The following TEX11 variants were observed in gnomAD, a reference collection of about 807,000 sequenced individuals.
The protein encoded by TEX11 is testis expressed 11.
A neutral mutation model predicts 84.4 loss-of-function variants in TEX11; 7 were observed. The ratio of observed to expected loss-of-function variants is 0.08; its 90% CI spans 0.05 to 0.16. TEX11 has a LOEUF of 0.16. Among genes scored for constraint, TEX11 ranks in the 10% least tolerant of loss-of-function variants. The pLI, the probability that TEX11 is intolerant of heterozygous loss-of-function variation, is 1.00. For missense variants in TEX11, 551 were observed against 660.5 expected (o/e 0.83, Z 1.82); for synonymous variants, 264 against 222.8 (o/e 1.18, Z -1.64).
rs149955108 is a variant in TEX11 at position 70,782,928 on chromosome X, G to A, written c.692+23777C>T. 5.8e-3 allele frequency among the ~76,000 whole-genome samples: 646 copies of A among 111,058 alleles called. 2 individuals are homozygous for A. Among genetic ancestry groups the A allele is most frequent in the African/African-American group, 0.017 (523 of 30,531 alleles). On this transcript the variant is annotated intron_variant, in intron 9 of 29. Coordinates refer to ENST00000374333, the MANE Select transcript of TEX11 (RefSeq NM_031276.3). ...CAATATTAGACAGATCAACAAGACA[G>A]ATGGTTAACAAGGATATCCAGGACT... is the stretch of plus-strand genomic sequence containing the variant.
At chrX:70,799,185 T>G (rs1354753477) in intron 9 of TEX11, among the ~76,000 whole-genome samples, 1 of 112,031 alleles carries the variant, frequency 8.9e-6, no homozygotes, top group Non-Finnish European at 1.9e-5. Context: ...ATACTAGCCA[T>G]TTAGTCCATC....
chrX:70,826,322 A>T (rs1307862137), intron 8 of TEX11, among the ~76,000 whole-genome samples: 2 of 110,959 alleles, frequency 1.8e-5, no homozygotes, highest in Non-Finnish European at 3.8e-5. Context: ...AAAAAAAAAA[A>T]AAAAGCTAAA....
intron 13 of TEX11, among the ~76,000 whole-genome samples, chrX:70,711,349 C>T (rs1323053792): frequency 9.0e-6 from 1 of 110,520 alleles, no homozygotes; most frequent in Admixed American, 9.6e-5. Context: ...TTCTAGATCC[C>T]TGAGGAATCG....
At chrX:70,863,222 C>A (rs1306531636) in intron 4 of TEX11, among the ~76,000 whole-genome samples, 1 of 111,950 alleles carries the variant, frequency 8.9e-6, no homozygotes, top group Non-Finnish European at 1.9e-5. Flanking sequence ...CAAGCTCTGA[C>A]AAGGGACAGA....
At chrX:70,616,033 G>A (rs919575739) in intron 20 of TEX11, among the ~76,000 whole-genome samples, 16 of 111,302 alleles carry the variant, frequency 1.4e-4, no homozygotes, top group African/African-American at 5.2e-4. Context: ...ATGTTAAAGG[G>A]AGTACTTTAA....
At chrX:70,525,985 C>G (rs1237605042), downstream of TEX11, among the ~76,000 whole-genome samples, 1 of 111,425 alleles carries the variant, frequency 9.0e-6, no homozygotes, top group Non-Finnish European at 1.9e-5. Flanking sequence ...GGCCTGGTGG[C>G]AGGTTCAGCT....
At chrX:70,656,110 T>C (rs1345381162) in intron 16 of TEX11, among the ~76,000 whole-genome samples, 1 of 68,831 alleles carries the variant, frequency 1.5e-5, no homozygotes, top group Non-Finnish European at 3.6e-5. Flanking sequence ...CAAAGGTAGC[T>C]GTGTATATAT....
intron 8 of TEX11, among the ~76,000 whole-genome samples, chrX:70,823,491 T>C (rs1230043237): frequency 9.0e-6 from 1 of 111,560 alleles, no homozygotes; most frequent in East Asian, 2.8e-4. Flanking sequence ...AAAATATGTA[T>C]GTATATCAAA....
At chrX:70,653,581 T>C (rs1230867453) in intron 16 of TEX11, among the ~76,000 whole-genome samples, 1 of 111,953 alleles carries the variant, frequency 8.9e-6, no homozygotes, top group African/African-American at 3.2e-5. Flanking sequence ...GAACTCTCAT[T>C]CATCACTGGT....
At chrX:70,813,287 G>A (rs4542102) in intron 8 of TEX11, among the ~76,000 whole-genome samples, 8,170 of 111,496 alleles carry the variant, frequency 0.073, 251 homozygotes, top group East Asian at 0.12. Flanking sequence ...TGCAAGGCTG[G>A]TTCAACATAC....
chrX:70,872,001 A>G (rs773144928), intron 4 of TEX11, among the ~76,000 whole-genome samples: 3 of 106,748 alleles, frequency 2.8e-5, no homozygotes, highest in Non-Finnish European at 5.7e-5. Context: ...AAAAAAAAAA[A>G]GAAAAAGAAA....
chrX:70,788,953 TATATATATATATATATATATAG>T (rs2091097456), intron 9 of TEX11, among the ~76,000 whole-genome samples: 2 of 40,169 alleles, frequency 5.0e-5, no homozygotes, highest in Admixed American at 6.4e-4. Context: ...TATATATATA[TATATATATATATATATATATAG>T]AGAGAGAGAG....
At chrX:70,717,405 G>A (rs757940479) in intron 13 of TEX11, among the ~76,000 whole-genome samples, 5 of 107,999 alleles carry the variant, frequency 4.6e-5, no homozygotes, top group Admixed American at 2.0e-4. Context: ...TGCAACCTCC[G>A]TCTCCTGGGT....
chrX:70,722,682 G>T lies in TEX11; in HGVS notation c.940C>A (p.Leu314Ile), dbSNP rs1901709641. 8.4e-7 allele frequency: 1 copy of T among 1,189,583 alleles called. No individual in the cohort carries two copies. Among genetic ancestry groups the T allele is most frequent in the Non-Finnish European group, 1.1e-6 (1 of 877,644 alleles). ...EELLEAVMEI[L>I]HLDMPLDFCL... ...AAGTCTAAGGGCATGTCAAGATGTA[G>T]TATTTCCATGACAGCTAACAAGATG... The change falls in exon 13 of 30, where the codon CTA (leucine) becomes ATA (isoleucine). Residue 314 changes from leucine (L) to isoleucine (I), a missense_variant. By Grantham distance (5) the Leu-to-Ile change is conservative. Transcript: ENST00000374333.
At chrX:70,527,138 G>A (rs1376972492), downstream of TEX11, among the ~76,000 whole-genome samples, 1 of 112,067 alleles carries the variant, frequency 8.9e-6, no homozygotes, top group Non-Finnish European at 1.9e-5. Context: ...CAGTACAAAT[G>A]TTCAGGCAAG....
intron 2 of TEX11, among the ~76,000 whole-genome samples, chrX:70,907,040 T>C (rs1288589521): frequency 9.0e-6 from 1 of 111,397 alleles, no homozygotes; most frequent in African/African-American, 3.3e-5. Flanking sequence ...TTCCCATAAA[T>C]AGCAAACATG....
At chrX:70,749,538 G>C (rs1193874806) in intron 9 of TEX11, among the ~76,000 whole-genome samples, 1 of 106,224 alleles carries the variant, frequency 9.4e-6, no homozygotes. Context: ...TGCCCATTCA[G>C]TATGATATTG....
intron 9 of TEX11, among the ~76,000 whole-genome samples, chrX:70,766,104 A>C (rs1163406427): frequency 8.9e-6 from 1 of 112,063 alleles, no homozygotes; most frequent in African/African-American, 3.2e-5. Flanking sequence ...GACAACTATA[A>C]AACACTGATG....
chrX:70,828,348 A>G (rs1208364173), intron 8 of TEX11, among the ~76,000 whole-genome samples: 1 of 110,823 alleles, frequency 9.0e-6, no homozygotes, highest in Non-Finnish European at 1.9e-5. Flanking sequence ...AAATAACACA[A>G]AGAAGGAATT....
Sources: gnomAD v4.1 joint callset for allele counts (sites outside exome capture counted in the v4.1 genomes callset) on GRCh38, gnomAD v4.1.1 for gene constraint, MANE v1.5 for transcripts, NCBI Gene and HGNC (gene_info 2026-07-23, HGNC 2026-07-21) for gene names.